The following CFDP1 variants were observed in gnomAD, a reference collection of about 807,000 sequenced individuals.
The protein encoded by CFDP1 is heterochromatin-stabilizing protein CFDP1.
Under a neutral mutation model 40.1 loss-of-function variants are expected in CFDP1, and 31 were observed. That is an observed-to-expected ratio of 0.77 (90% CI 0.58 to 1.04). The LOEUF is 1.04. CFDP1 is among the 50% of genes least tolerant of loss of function. The probability of loss-of-function intolerance (pLI) is 0.00; values close to 1 mark genes in which losing one functional copy is unlikely to be tolerated. For missense variants in CFDP1, 423 were observed against 343.4 expected (o/e 1.23, Z -1.83); for synonymous variants, 167 against 120.0 (o/e 1.39, Z -2.56).
At chr16:75,384,900 T>TATA (rs1567665491) in intron 5 of CFDP1, among the ~76,000 whole-genome samples, 20 of 113,180 alleles carry the variant, frequency 1.8e-4, no homozygotes, top group African/African-American at 5.6e-4. Context: ...ATATATATAT[T>TATA]GCAGACCAGT....
chr16:75,427,560 C>T (rs2079355492), intron 1 of CFDP1, among the ~76,000 whole-genome samples: 2 of 152,022 alleles, frequency 1.3e-5, no homozygotes, highest in South Asian at 2.1e-4. Context: ...CCCAAATTAG[C>T]TAATATTTAA....
At chr16:75,414,297 C>G (rs768501413) in intron 2 of CFDP1, among the ~76,000 whole-genome samples, 47 of 152,058 alleles carry the variant, frequency 3.1e-4, no homozygotes, top group Non-Finnish European at 5.6e-4. Flanking sequence ...GGCAAAGCAA[C>G]AAGGTCTAGG....
intron 5 of CFDP1, among the ~76,000 whole-genome samples, chr16:75,306,052 G>C (rs541600619): frequency 8.5e-5 from 13 of 152,322 alleles, no homozygotes; most frequent in African/African-American, 2.6e-4. Flanking sequence ...ATGAGGAAAG[G>C]TTTGGTCTCT....
intron 5 of CFDP1, among the ~76,000 whole-genome samples, chr16:75,356,924 T>C (rs1469455022): frequency 6.8e-6 from 1 of 147,418 alleles, no homozygotes; most frequent in Admixed American, 6.7e-5. Flanking sequence ...TTTTTTTTTT[T>C]TTTTTTTGAG....
In CFDP1 at chr16:75,433,452, G is replaced by T. The variant is rs964232859; in HGVS notation, c.-100C>A. On this transcript the variant is annotated 5_prime_UTR_variant, in exon 1 of 7. Coordinates refer to ENST00000283882, the MANE Select transcript of CFDP1 (RefSeq NM_006324.3). ...ACCATAGAGCCCCGGCGGCGGCGAC[G>T]GCAGCTAGGGCGGCCCCCGACAGCG... 1.4e-5 allele frequency: 16 copies of T among 1,164,126 alleles called. No individual in the cohort carries two copies. The highest frequency in any genetic ancestry group is 3.1e-5 in the African/African-American group (2 of 65,384). The allele number at this position is 1,164,126 out of a possible 1,614,324, so 72.1% of individuals were successfully genotyped here. A position where few individuals can be genotyped will look rare whatever the true frequency, so the allele number is the denominator to read the frequency against.
intron 4 of CFDP1, among the ~76,000 whole-genome samples, chr16:75,411,520 G>C (rs1309191701): frequency 6.6e-6 from 1 of 152,168 alleles, no homozygotes; most frequent in Non-Finnish European, 1.5e-5. Flanking sequence ...GAGTAATAAA[G>C]GGAGACATGA....
intron 5 of CFDP1, among the ~76,000 whole-genome samples, chr16:75,347,636 G>A (rs1324936594): frequency 6.6e-6 from 1 of 151,824 alleles, no homozygotes; most frequent in Non-Finnish European, 1.5e-5. Context: ...CTGAGATCGC[G>A]CCACTGCACT....
intron 5 of CFDP1, among the ~76,000 whole-genome samples, chr16:75,387,201 C>T (rs1200093386): frequency 1.3e-5 from 2 of 149,898 alleles, no homozygotes; most frequent in African/African-American, 4.9e-5. Context: ...AGTGCAGTGG[C>T]GCAATCTCGG....
At chr16:75,294,375 T>A (rs1196393660) in intron 6 of CFDP1, among the ~76,000 whole-genome samples, 3 of 152,214 alleles carry the variant, frequency 2.0e-5, no homozygotes, top group Admixed American at 1.3e-4. Flanking sequence ...ACTGATTAGC[T>A]GGGCAAAGGA....
chr16:75,304,095 G>A (rs544202798), intron 6 of CFDP1, among the ~76,000 whole-genome samples: 1 of 151,548 alleles, frequency 6.6e-6, no homozygotes, highest in Non-Finnish European at 1.5e-5. Flanking sequence ...TTGATACACA[G>A]TCTTGCTCTG....
chr16:75,305,333 G>C lies in CFDP1; in HGVS notation c.651-151C>G, dbSNP rs111524754. On this transcript the variant is annotated intron_variant, in intron 5 of 6. Coordinates refer to ENST00000283882, the MANE Select transcript of CFDP1 (RefSeq NM_006324.3). ...TTTGGGGCATTTCCTTCCTGGTGTG[G>C]AGAGCACTGTAAGTAAACTGGAATT... 1.1e-4 allele frequency: 79 copies of C among 706,148 alleles called. No individual in the cohort carries two copies. The African/African-American group carries it at 1.3e-3, about 12-fold the overall frequency. The allele number at this position is 706,148 out of a possible 1,614,324, so 43.7% of individuals were successfully genotyped here.
intron 5 of CFDP1, among the ~76,000 whole-genome samples, chr16:75,310,984 G>T (rs554277377): frequency 2.4e-4 from 37 of 152,238 alleles, no homozygotes; most frequent in South Asian, 8.3e-4. Flanking sequence ...TCAGAATGGG[G>T]ATATAAAAAT....
Position 75,433,370 on chromosome 16 carries a change from C to G in CFDP1, c.-18G>C, listed in dbSNP as rs933630957. On this transcript the variant is annotated 5_prime_UTR_variant, in exon 1 of 7. Coordinates refer to ENST00000283882, the MANE Select transcript of CFDP1 (RefSeq NM_006324.3). Reference sequence around the variant, plus strand: ...TCCTCCATGTTGCTGCCGCTCGACGCTGGTCAAACTCACAAGACCGCAGCA... The same window carrying G: ...TCCTCCATGTTGCTGCCGCTCGACGGTGGTCAAACTCACAAGACCGCAGCA... 6.0e-5 allele frequency: 95 copies of G among 1,580,740 alleles called. No individual in the cohort carries two copies. Among genetic ancestry groups the G allele is most frequent in the Non-Finnish European group, 7.9e-5 (92 of 1,163,430 alleles).
At chr16:75,413,534 C>A (rs544603200) in intron 2 of CFDP1, among the ~76,000 whole-genome samples, 2 of 109,832 alleles carry the variant, frequency 1.8e-5, no homozygotes, top group East Asian at 5.2e-4. Flanking sequence ...GCCTAGGCAA[C>A]AGGGCGAGAC....
At chr16:75,355,415 T>C (rs2078639138) in intron 5 of CFDP1, among the ~76,000 whole-genome samples, 1 of 152,232 alleles carries the variant, frequency 6.6e-6, no homozygotes, top group African/African-American at 2.4e-5. Flanking sequence ...ATATATACTA[T>C]TCTAAATCCT....
intron 6 of CFDP1, among the ~76,000 whole-genome samples, chr16:75,297,732 C>T (rs2078194190): frequency 6.6e-6 from 1 of 152,162 alleles, no homozygotes; most frequent in Non-Finnish European, 1.5e-5. Context: ...TGCTAAGAAC[C>T]TAAGGGATTT....
At chr16:75,330,490 G>C (rs1237388638) in intron 5 of CFDP1, among the ~76,000 whole-genome samples, 1 of 152,202 alleles carries the variant, frequency 6.6e-6, no homozygotes, top group Non-Finnish European at 1.5e-5. Flanking sequence ...TAGGGAGGCT[G>C]AGGCAGGAGA....
At chr16:75,297,319 C>A (rs1047558039) in intron 6 of CFDP1, among the ~76,000 whole-genome samples, 1 of 152,118 alleles carries the variant, frequency 6.6e-6, no homozygotes, top group Non-Finnish European at 1.5e-5. Context: ...TCTGCCCGGT[C>A]TTGCTTCACA....
intron 1 of CFDP1, among the ~76,000 whole-genome samples, chr16:75,417,553 T>C (rs886192996): frequency 2.0e-5 from 3 of 152,154 alleles, no homozygotes; most frequent in Non-Finnish European, 4.4e-5. Context: ...TGTTTGTATA[T>C]GGAAAAAGCG....
Sources: gnomAD v4.1 joint callset for allele counts (sites outside exome capture counted in the v4.1 genomes callset) on GRCh38, gnomAD v4.1.1 for gene constraint, MANE v1.5 for transcripts, NCBI Gene and HGNC (gene_info 2026-07-23, HGNC 2026-07-21) for gene names.